FRMD4B: variants seen among roughly 807,000 people sequenced by gnomAD.
FRMD4B encodes FERM domain-containing protein 4B.
A neutral mutation model predicts 141.5 loss-of-function variants in FRMD4B; 74 were observed. The ratio of observed to expected loss-of-function variants is 0.52; its 90% CI spans 0.43 to 0.63. FRMD4B has a LOEUF of 0.63. Among genes scored for constraint, FRMD4B ranks in the 30% least tolerant of loss-of-function variants. The pLI, the probability that FRMD4B is intolerant of heterozygous loss-of-function variation, is 0.00. For synonymous variants in FRMD4B, 506 were observed against 467.9 expected, an observed-to-expected ratio of 1.08 and a Z score of -1.05; for missense variants, 1,366 against 1,253.4, an observed-to-expected ratio of 1.09 and a Z score of -1.36.
chr3:69,430,194 A>G (rs1365181558), intron 2 of FRMD4B, among the ~76,000 whole-genome samples: 1 of 152,128 alleles, frequency 6.6e-6, no homozygotes, highest in African/African-American at 2.4e-5. Flanking sequence ...ATGCTTAGTT[A>G]AGATATTGAC....
chr3:69,327,099 T>A (rs9810578), intron 1 of FRMD4B, among the ~76,000 whole-genome samples: 3,633 of 152,286 alleles, frequency 0.024, 126 homozygotes, highest in African/African-American at 0.082. Flanking sequence ...CAGTTCAGGT[T>A]AACCAGAAAT....
intron 1 of FRMD4B, among the ~76,000 whole-genome samples, chr3:69,465,625 G>C (rs1705770359): frequency 6.6e-6 from 1 of 151,660 alleles, no homozygotes; most frequent in South Asian, 2.1e-4. Context: ...CCACCTATGA[G>C]TAAGAATATG....
chr3:69,359,521 T>C (rs1448169708), intron 1 of FRMD4B, among the ~76,000 whole-genome samples: 2 of 152,222 alleles, frequency 1.3e-5, no homozygotes, highest in African/African-American at 4.8e-5. Context: ...GATCACATGT[T>C]TTAGCAGCTG....
At chr3:69,364,253 T>A (rs1013535112) in intron 1 of FRMD4B, among the ~76,000 whole-genome samples, 3 of 152,236 alleles carry the variant, frequency 2.0e-5, no homozygotes, top group Admixed American at 6.5e-5. Flanking sequence ...CCAAACATCC[T>A]GTCCTTTTAG....
intron 1 of FRMD4B, among the ~76,000 whole-genome samples, chr3:69,484,209 A>C (rs985033080): frequency 6.6e-6 from 1 of 152,234 alleles, no homozygotes; most frequent in African/African-American, 2.4e-5. Context: ...GAGCAACAGA[A>C]GAATGATTTA....
At chr3:69,436,382 A>G (rs991431338) in intron 1 of FRMD4B, among the ~76,000 whole-genome samples, 7 of 152,220 alleles carry the variant, frequency 4.6e-5, no homozygotes, top group African/African-American at 1.7e-4. Flanking sequence ...AGGATAAACC[A>G]CAATGAGATA....
intron 1 of FRMD4B, 82 bp from the exon 2 acceptor site, chr3:69,313,599 T>C (rs1359647604): frequency 4.1e-5 from 34 of 837,472 alleles, no homozygotes; most frequent in Non-Finnish European, 5.7e-5. Context: ...ATTTATTTTA[T>C]ATGAGATGGG....
intron 3 of FRMD4B, among the ~76,000 whole-genome samples, chr3:69,309,607 A>ATTTT (rs34067186): frequency 4.7e-4 from 51 of 108,998 alleles, no homozygotes; most frequent in Non-Finnish European, 7.3e-4. Context: ...TACCTGGCTG[A>ATTTT]TTTTTTTTTT....
At chr3:69,324,035 G>A (rs1702102494) in intron 1 of FRMD4B, among the ~76,000 whole-genome samples, 1 of 151,970 alleles carries the variant, frequency 6.6e-6, no homozygotes, top group Non-Finnish European at 1.5e-5. Context: ...GAAGAGAAAG[G>A]TTTTACAATC....
chr3:69,343,416 C>A (rs1045700345), intron 1 of FRMD4B, among the ~76,000 whole-genome samples: 1 of 152,100 alleles, frequency 6.6e-6, no homozygotes, highest in Non-Finnish European at 1.5e-5. Context: ...AAAAACAGAA[C>A]CTTTAACCAC....
intron 1 of FRMD4B, among the ~76,000 whole-genome samples, chr3:69,496,370 G>T (rs555257711): frequency 2.6e-5 from 4 of 152,042 alleles, no homozygotes; most frequent in Non-Finnish European, 5.9e-5. Context: ...AATGACCCAG[G>T]ACTGGCCAAT....
At chr3:69,235,636 A>T (rs2093340856) in intron 7 of FRMD4B, among the ~76,000 whole-genome samples, 1 of 151,810 alleles carries the variant, frequency 6.6e-6, no homozygotes, top group African/African-American at 2.4e-5. Context: ...TCCAGCCTGG[A>T]CAACAGAGTG....
At chr3:69,260,461 G>A (rs764715174) in intron 5 of FRMD4B, among the ~76,000 whole-genome samples, 1 of 152,172 alleles carries the variant, frequency 6.6e-6, no homozygotes, top group Non-Finnish European at 1.5e-5. Flanking sequence ...AGCACTGCTG[G>A]CCCACCTGCG....
intron 1 of FRMD4B, among the ~76,000 whole-genome samples, chr3:69,498,586 G>A (rs551501579): frequency 1.3e-5 from 2 of 152,260 alleles, no homozygotes; most frequent in South Asian, 4.2e-4. Context: ...TTTCAACAAG[G>A]ATTCATCTTT....
chr3:69,341,070 T>C (rs1030804353), intron 1 of FRMD4B, among the ~76,000 whole-genome samples: 1 of 152,200 alleles, frequency 6.6e-6, no homozygotes, highest in African/African-American at 2.4e-5. Context: ...CTTTTTCATA[T>C]ATAATAGTTA....
chr3:69,467,037 C>A (rs544255138), intron 1 of FRMD4B, among the ~76,000 whole-genome samples: 1 of 152,222 alleles, frequency 6.6e-6, no homozygotes, highest in African/African-American at 2.4e-5. Context: ...TAATTAGAAT[C>A]CCCGCCTTCT....
intron 2 of FRMD4B, among the ~76,000 whole-genome samples, chr3:69,411,795 C>A (rs147683318): frequency 6.6e-6 from 1 of 152,286 alleles, no homozygotes; most frequent in East Asian, 1.9e-4. Context: ...AGTTTCACCA[C>A]GCACTTCTTA....
At chr3:69,484,453 C>A (rs2106998320) in intron 1 of FRMD4B, among the ~76,000 whole-genome samples, 1 of 152,178 alleles carries the variant, frequency 6.6e-6, no homozygotes, top group Non-Finnish European at 1.5e-5. Flanking sequence ...TGTCCTGTGT[C>A]CAGGAAGACT....
chr3:69,374,180 C>T (rs1703906981), intron 1 of FRMD4B, among the ~76,000 whole-genome samples: 1 of 152,152 alleles, frequency 6.6e-6, no homozygotes. Flanking sequence ...TACTATTTCT[C>T]CATCAATGTT....
Sources: allele counts gnomAD v4.1 joint callset (sites outside exome capture counted in the v4.1 genomes callset), GRCh38; gene constraint gnomAD v4.1.1; transcripts MANE v1.5; gene names NCBI Gene and HGNC (gene_info 2026-07-23, HGNC 2026-07-21).